The following KIF21A variants were observed in gnomAD, a reference collection of about 807,000 sequenced individuals.
KIF21A encodes the protein kinesin-like protein KIF21A.
A neutral mutation model predicts 202.9 loss-of-function variants in KIF21A; 114 were observed. The ratio of observed to expected loss-of-function variants is 0.56; its 90% CI spans 0.48 to 0.66. The LOEUF is 0.66. Among genes scored for constraint, KIF21A ranks in the 30% least tolerant of loss-of-function variants. The pLI is 0.00. For synonymous variants in KIF21A, 667 were observed against 670.8 expected (o/e 0.99, Z 0.09); for missense variants, 1,677 against 1,994.9 (o/e 0.84, Z 3.04).
At position 39,331,553 on chromosome 12, in the gene KIF21A, AG is replaced by A; in HGVS notation, c.3153+136del. On this transcript the variant is annotated intron_variant, in intron 22 of 37. Transcript: ENST00000361418. ...TCTTACTCTTCCTGACTCTAAAGAA[AG>A]GTAAAAGAAATACTTTCCAATTATG... The A allele has an allele frequency of 5.9e-6, 4 of 678,926 alleles. No homozygotes were observed. In the Admixed American group the frequency reaches 8.7e-5, roughly 15 times the overall value. The allele number at this position is 678,926 out of a possible 1,614,324, so 42.1% of individuals were successfully genotyped here.
Position 39,303,065 on chromosome 12 carries a change from T to C in KIF21A, c.4631A>G (p.Asp1544Gly), listed in dbSNP as rs1943118349. 6.2e-7 allele frequency: 1 copy of C among 1,614,008 alleles called. No homozygotes were observed. The highest frequency in any genetic ancestry group is 1.3e-5 in the African/African-American group (1 of 75,042). ...TTGAATGGTTAGTGCTTCTATGCCA[T>C]CATAATGAGGGGGTTCAAAATTGTG... ...PTHNFEPPHYDGIEALTIQGD... is the reference protein window; with the variant it reads ...PTHNFEPPHYGGIEALTIQGD... Residue 1544 changes from aspartate to glycine, a missense_variant, in exon 36 of 38, where the codon GAT becomes GGT. Asp to Gly is a moderately conservative substitution (Grantham distance 94). Coordinates refer to ENST00000361418, the MANE Select transcript of KIF21A (RefSeq NM_001173464.2).
chr12:39,332,570 T>C (rs748185292), intron 20 of KIF21A, 21 bp downstream of exon 20: 1 of 1,598,984 alleles, frequency 6.3e-7, no homozygotes, highest in Non-Finnish European at 8.5e-7. Flanking sequence ...GGGGAGCGTA[T>C]CTACTCTCTA....
At chr12:39,344,025 A>G (rs1947679124) in intron 12 of KIF21A, among the ~76,000 whole-genome samples, 2 of 152,206 alleles carry the variant, frequency 1.3e-5, no homozygotes, top group African/African-American at 4.8e-5. Context: ...AGGAGTACCA[A>G]TACAACAGTC....
In KIF21A at chr12:39,353,248, C is replaced by A. The variant is rs370171783; in HGVS notation, c.1470-1268G>T. Among the ~76,000 whole-genome samples, 202 of 152,228 alleles carry A rather than the reference C, an allele frequency of 1.3e-3. 8 individuals are homozygous for A. In the South Asian group the frequency reaches 0.039, roughly 29 times the overall value. The stretch of plus-strand genomic sequence containing the variant: ...CTATATTGCCCAGGCTCGTCTCAAG[C>A]TCCCAGCCTCAAGTGATCCTCCCAC... On this transcript the variant is annotated intron_variant, in intron 10 of 37. Coordinates refer to ENST00000361418, the MANE Select transcript of KIF21A (RefSeq NM_001173464.2).
At chr12:39,333,489 A>G (rs1192068401) in intron 17 of KIF21A, among the ~76,000 whole-genome samples, 1 of 152,164 alleles carries the variant, frequency 6.6e-6, no homozygotes, top group Non-Finnish European at 1.5e-5. Flanking sequence ...CCTTTTTGAA[A>G]AAATGAAAGG....
chr12:39,334,948 C>T (rs182290138), intron 17 of KIF21A, among the ~76,000 whole-genome samples: 3 of 152,130 alleles, frequency 2.0e-5, no homozygotes, highest in East Asian at 1.9e-4. Context: ...AAATTATTCC[C>T]GTTGTTCAAA....
Position 39,380,769 on chromosome 12 carries a change from T to G in KIF21A, c.45-10508A>C, listed in dbSNP as rs1000213267. Among the ~76,000 whole-genome samples the G allele has an allele frequency of 5.3e-5, 8 of 152,106 alleles. No homozygotes were observed. The South Asian group carries it at 1.7e-3, about 32-fold the overall frequency. On this transcript the variant is annotated intron_variant, in intron 1 of 37. Coordinates refer to ENST00000361418, the MANE Select transcript of KIF21A (RefSeq NM_001173464.2). ...GATTGAAGGAAGGGCAGGAGAAAAT[T>G]CAAGAAAGGAGGAGTAAAAGGGAAA...
At position 39,442,654 on chromosome 12, in the gene KIF21A, A is replaced by G. The variant is rs1939811915; in HGVS notation, c.44+273T>C. Reference sequence around the variant, plus strand: ...AGTGACGAGGGCTTTTCCCCCAGAGAAGTCAAGACGCCCCCCAGGGACCCG... The same window carrying G: ...AGTGACGAGGGCTTTTCCCCCAGAGGAGTCAAGACGCCCCCCAGGGACCCG... On this transcript the variant is annotated intron_variant, in intron 1 of 37. Transcript: ENST00000361418. The surrounding 1 kb of genome is among the most constrained non-coding windows in gnomAD (Gnocchi z 5.0). Among the ~76,000 whole-genome samples the G allele has an allele frequency of 6.6e-6, 1 of 152,050 alleles. No individual in the cohort carries two copies. Among genetic ancestry groups the G allele is most frequent in the South Asian group, 2.1e-4 (1 of 4,826 alleles).
Position 39,294,373 on chromosome 12 carries a change from A to C in KIF21A, c.*51T>G, listed in dbSNP as rs1942089664. On this transcript the variant is annotated 3_prime_UTR_variant, in exon 38 of 38. Transcript: ENST00000361418. ...GTACAGGACAACATTTTCCATAAAGAATACAGAGTATTATCACAGCATTCA... is the reference window on the plus strand; with the variant it reads ...GTACAGGACAACATTTTCCATAAAGCATACAGAGTATTATCACAGCATTCA... 7.4e-7 allele frequency: 1 copy of C among 1,348,134 alleles called. No homozygotes were observed. Among genetic ancestry groups the C allele is most frequent in the African/African-American group, 1.4e-5 (1 of 69,828 alleles). The allele number at this position is 1,348,134 out of a possible 1,614,324, so 83.5% of individuals were successfully genotyped here.
chr12:39,436,116 C>T (rs951044646), intron 1 of KIF21A, among the ~76,000 whole-genome samples: 1 of 151,910 alleles, frequency 6.6e-6, no homozygotes, highest in African/African-American at 2.4e-5. Context: ...TGACAGTGAG[C>T]GACCTTATCT....
chr12:39,305,334 C>T (rs1014546985), intron 34 of KIF21A, among the ~76,000 whole-genome samples: 1 of 150,288 alleles, frequency 6.7e-6, no homozygotes, highest in Non-Finnish European at 1.5e-5. Context: ...CCACTGCACT[C>T]CGGCCTGGGC....
At chr12:39,416,168 A>G (rs1162013809) in intron 1 of KIF21A, among the ~76,000 whole-genome samples, 1 of 152,186 alleles carries the variant, frequency 6.6e-6, no homozygotes, top group Non-Finnish European at 1.5e-5. Flanking sequence ...AGTACTAGAG[A>G]TGAAAAAAAT....
At chr12:39,357,163 A>G in intron 9 of KIF21A, 85 bp downstream of exon 9, 2 of 1,173,384 alleles carry the variant, frequency 1.7e-6, no homozygotes, top group Non-Finnish European at 2.6e-6. Flanking sequence ...TTCTATTTCA[A>G]CTATGCTAGG....
intron 1 of KIF21A, among the ~76,000 whole-genome samples, chr12:39,389,449 C>T (rs897537679): frequency 2.6e-5 from 4 of 152,214 alleles, no homozygotes; most frequent in African/African-American, 9.6e-5. Flanking sequence ...ATAATGTGCA[C>T]CATGGTGAAC....
chr12:39,382,900 T>C (rs12831835), intron 1 of KIF21A, among the ~76,000 whole-genome samples: 24,050 of 152,236 alleles, frequency 0.16, 2,680 homozygotes, highest in Non-Finnish European at 0.22. Context: ...GTTTGCCTTT[T>C]AGAAAGCTAG....
intron 7 of KIF21A, 78 bp from the exon 8 acceptor site, chr12:39,358,451 C>T: frequency 7.7e-7 from 1 of 1,298,316 alleles, no homozygotes; most frequent in Admixed American, 1.7e-5. Context: ...AAATTCCTAA[C>T]ATTTGAATAG....
chr12:39,303,166 A>G, intron 35 of KIF21A, 31 bp from the exon 36 acceptor site: 1 of 1,605,308 alleles, frequency 6.2e-7, no homozygotes. Context: ...CAGTTATCCT[A>G]TTTAACTTGC....
intron 26 of KIF21A, 34 bp from the exon 27 acceptor site, chr12:39,322,916 GC>G: frequency 7.3e-7 from 1 of 1,371,220 alleles, no homozygotes. Flanking sequence ...GCAATCAGGA[GC>G]AAACTCTTGC....
chr12:39,401,140 A>C (rs1952143343), intron 1 of KIF21A, among the ~76,000 whole-genome samples: 1 of 152,230 alleles, frequency 6.6e-6, no homozygotes, highest in African/African-American at 2.4e-5. Flanking sequence ...TGTTCCTTTA[A>C]AAATGCAAGA....
Sources: gnomAD v4.1 joint callset for allele counts (sites outside exome capture counted in the v4.1 genomes callset) on GRCh38, gnomAD v4.1.1 for gene constraint, Gnocchi (gnomAD v3.1) non-coding constraint, MANE v1.5 for transcripts, NCBI Gene and HGNC (gene_info 2026-07-23, HGNC 2026-07-21) for gene names.